The following NRXN3 variants were observed in gnomAD, a reference collection of about 807,000 sequenced individuals.
NRXN3 encodes the protein neurexin 3, also known as neurexin III.
Under a neutral mutation model 137.6 loss-of-function variants are expected in NRXN3, and 32 were observed. The ratio of observed to expected loss-of-function variants is 0.23; its 90% confidence interval spans 0.18 to 0.31. The LOEUF is 0.31. Ranked by LOEUF, NRXN3 falls within the 10% of genes least tolerant of loss-of-function variation. The pLI is 1.00. For synonymous variants in NRXN3, 798 were observed against 784.5 expected (o/e 1.02, Z -0.29); for missense variants, 1,574 against 2,062.5 (o/e 0.76, Z 4.59).
chr14:78,347,846 C>T (rs2082954454), intron 4 of NRXN3, among the ~76,000 whole-genome samples: 1 of 152,062 alleles, frequency 6.6e-6, no homozygotes, highest in African/African-American at 2.4e-5. Flanking sequence ...ATAAGATTGC[C>T]CAACCTCCCT....
chr14:79,316,419 C>G (rs1489787403), intron 15 of NRXN3, among the ~76,000 whole-genome samples: 6 of 152,158 alleles, frequency 3.9e-5, no homozygotes, highest in Non-Finnish European at 7.4e-5. Flanking sequence ...TATTCAACAA[C>G]CAGTAGGAAA....
chr14:79,843,764 T>A (rs1385427160), intron 20 of NRXN3, among the ~76,000 whole-genome samples: 1 of 152,186 alleles, frequency 6.6e-6, no homozygotes, highest in Non-Finnish European at 1.5e-5. Flanking sequence ...TTAAGAAAAA[T>A]TAATTTTAAT....
At chr14:79,078,351 C>G (rs1438129814) in intron 15 of NRXN3, among the ~76,000 whole-genome samples, 1 of 152,096 alleles carries the variant, frequency 6.6e-6, no homozygotes, top group Non-Finnish European at 1.5e-5. Context: ...TGGTAGATAC[C>G]ATGTTTTCTA....
At chr14:79,358,607 GAGAAAGAAAGAA>G (rs751796019) in intron 15 of NRXN3, among the ~76,000 whole-genome samples, 888 of 79,956 alleles carry the variant, frequency 0.011, 11 homozygotes, top group African/African-American at 0.026. Flanking sequence ...AAGAAAGAAA[GAGAAAGAAAGAA>G]AGAAAGAAAG....
intron 15 of NRXN3, among the ~76,000 whole-genome samples, chr14:79,032,504 G>A (rs905398531): frequency 1.3e-5 from 2 of 152,122 alleles, no homozygotes; most frequent in African/African-American, 4.8e-5. Flanking sequence ...CATGACATGG[G>A]AGCATACTCT....
intron 10 of NRXN3, among the ~76,000 whole-genome samples, chr14:78,932,365 T>C (rs1163611660): frequency 6.6e-6 from 1 of 152,140 alleles, no homozygotes; most frequent in Non-Finnish European, 1.5e-5. Context: ...AAGGAAATAA[T>C]AGTTTATGGC....
At chr14:78,231,740 T>G (rs1234569774) in intron 1 of NRXN3, 1 of 152,276 alleles carries the variant, frequency 6.6e-6, no homozygotes, top group Non-Finnish European at 1.5e-5. Context: ...AGTTCCTACA[T>G]CATAGAGGTT....
At chr14:79,138,396 C>A (rs139781554) in intron 15 of NRXN3, among the ~76,000 whole-genome samples, 3,155 of 152,268 alleles carry the variant, frequency 0.021, 68 homozygotes, top group Admixed American at 0.057. Context: ...CACAAGTGAT[C>A]CCTCCACCTT....
chr14:78,694,273 C>A (rs1594816691), intron 6 of NRXN3, among the ~76,000 whole-genome samples: 1 of 151,978 alleles, frequency 6.6e-6, no homozygotes, highest in Non-Finnish European at 1.5e-5. Flanking sequence ...GAGCATGACA[C>A]TCAATAAATA....
At chr14:78,578,825 G>A (rs1191643313) in intron 4 of NRXN3, among the ~76,000 whole-genome samples, 1 of 152,140 alleles carries the variant, frequency 6.6e-6, no homozygotes, top group Admixed American at 6.5e-5. Flanking sequence ...AAGGGCACCC[G>A]AGGCTGCTTC....
Position 78,613,578 on chromosome 14 carries a change from G to GTTT in NRXN3, c.758-31519_758-31517dup, listed in dbSNP as rs57745190. ...AGGAGAAAACTGTCTCACAACCATAGTTTTTTTTTTTTTTTTTTTTTTTTT... is the reference window on the plus strand; with the variant it reads ...AGGAGAAAACTGTCTCACAACCATAGTTTTTTTTTTTTTTTTTTTTTTTTTTTT... On this transcript the variant is annotated intron_variant, in intron 4 of 20. Coordinates refer to ENST00000335750, the MANE Select transcript of NRXN3 (RefSeq NM_001330195.2). Among the ~76,000 whole-genome samples, 89 of 95,094 alleles carry GTTT rather than the reference G, an allele frequency of 9.4e-4. No homozygotes were observed. In the East Asian group the frequency reaches 0.015, roughly 17 times the overall value. The allele number at this position is 95,094 out of a possible 152,430, so 62.4% of individuals were successfully genotyped here.
chr14:79,525,730 G>A (rs923964456), intron 16 of NRXN3, among the ~76,000 whole-genome samples: 5 of 152,164 alleles, frequency 3.3e-5, no homozygotes, highest in Admixed American at 6.5e-5. Flanking sequence ...TTAACATTAA[G>A]TTTTATTGCC....
At chr14:78,386,713 C>A (rs2090018241) in intron 4 of NRXN3, among the ~76,000 whole-genome samples, 1 of 152,128 alleles carries the variant, frequency 6.6e-6, no homozygotes, top group Non-Finnish European at 1.5e-5. Flanking sequence ...ACTTCAGATT[C>A]TAAGGGTGGT....
chr14:79,053,505 T>G (rs1256841858), intron 15 of NRXN3, among the ~76,000 whole-genome samples: 1 of 152,060 alleles, frequency 6.6e-6, no homozygotes, highest in African/African-American at 2.4e-5. Flanking sequence ...GGAAGAAAGG[T>G]CAAAAGAAAG....
intron 10 of NRXN3, among the ~76,000 whole-genome samples, chr14:78,945,848 G>A (rs2099364088): frequency 6.6e-6 from 1 of 152,326 alleles, no homozygotes; most frequent in African/African-American, 2.4e-5. Context: ...AGGCAGCTCT[G>A]ATTTGTCGCA....
At chr14:79,220,255 T>C (rs1054408645) in intron 15 of NRXN3, among the ~76,000 whole-genome samples, 6 of 152,186 alleles carry the variant, frequency 3.9e-5, no homozygotes, top group African/African-American at 1.4e-4. Flanking sequence ...AGATAATATT[T>C]TGTTTACTAT....
Position 79,654,576 on chromosome 14 carries a change from G to A in NRXN3, c.3445-9202G>A, listed in dbSNP as rs563385277. Among the ~76,000 whole-genome samples the A allele has an allele frequency of 8.7e-4, 133 of 152,186 alleles. 1 individual carries two copies. Among genetic ancestry groups the A allele is most frequent in the African/African-American group, 3.0e-3 (123 of 41,514 alleles). On this transcript the variant is annotated intron_variant, in intron 16 of 20. Transcript: ENST00000335750. The stretch of plus-strand genomic sequence containing the variant: ...TAAAAACAGGGAACAATTATATTTG[G>A]CACACAGTTTGCTGATCTCTGCTCT...
intron 15 of NRXN3, among the ~76,000 whole-genome samples, chr14:79,132,966 G>A (rs927080851): frequency 1.2e-4 from 19 of 152,116 alleles, no homozygotes; most frequent in African/African-American, 3.9e-4. Flanking sequence ...CATTGAATGC[G>A]GGTCACTCTG....
rs971119122 is a variant in NRXN3 at position 78,767,182 on chromosome 14, C to A, written c.2045-36438C>A. The stretch of plus-strand genomic sequence containing the variant: ...CTTGGGATCTTGTTCCAAGCTCACA[C>A]GGTTAGCAGGATTTAATTCCCTGAA... On this transcript the variant is annotated intron_variant, in intron 8 of 20. Transcript: ENST00000335750. 2.0e-5 allele frequency among the ~76,000 whole-genome samples: 3 copies of A among 152,164 alleles called. No homozygotes were observed. In the East Asian group the frequency reaches 5.8e-4, roughly 29 times the overall value.
Sources: gnomAD v4.1 joint callset for allele counts (sites outside exome capture counted in the v4.1 genomes callset) on GRCh38, gnomAD v4.1.1 for gene constraint, MANE v1.5 for transcripts, NCBI Gene and HGNC (gene_info 2026-07-23, HGNC 2026-07-21) for gene names.